RBFOX1: variants seen among roughly 807,000 people sequenced by gnomAD.
RBFOX1 encodes RNA binding fox-1 homolog 1, also known as RNA binding protein fox-1 homolog 1.
A neutral mutation model predicts 57.7 loss-of-function variants in RBFOX1; 8 were observed. That is an observed-to-expected ratio of 0.14 (90% CI 0.08 to 0.25). The LOEUF (loss-of-function observed/expected upper bound fraction) is 0.25. Among genes scored for constraint, RBFOX1 ranks in the 10% least tolerant of loss-of-function variants. The pLI, the probability that RBFOX1 is intolerant of heterozygous loss-of-function variation, is 1.00. For missense variants in RBFOX1, 611 were observed against 548.5 expected (o/e 1.11, Z -1.14); for synonymous variants, 326 against 222.4 (o/e 1.47, Z -4.15).
chr16:7,213,391 G>C (rs1160520268), intron 4 of RBFOX1, among the ~76,000 whole-genome samples: 1 of 152,160 alleles, frequency 6.6e-6, no homozygotes, highest in Non-Finnish European at 1.5e-5. Flanking sequence ...TAAGTTCCCA[G>C]TGTAATAGGC....
intron 4 of RBFOX1, among the ~76,000 whole-genome samples, chr16:7,373,479 G>C (rs9929460): frequency 0.11 from 16,371 of 152,102 alleles, 934 homozygotes; most frequent in African/African-American, 0.15. Context: ...GTTCTCTCCT[G>C]GCAGAATAGA....
chr16:7,056,491 G>C (rs1450326638), intron 4 of RBFOX1, among the ~76,000 whole-genome samples: 1 of 152,162 alleles, frequency 6.6e-6, no homozygotes, highest in Non-Finnish European at 1.5e-5. Context: ...AGGTTATGGT[G>C]ATAGTCGTAC....
intron 4 of RBFOX1, among the ~76,000 whole-genome samples, chr16:7,237,524 G>A (rs1172931502): frequency 6.6e-6 from 1 of 152,214 alleles, no homozygotes; most frequent in African/African-American, 2.4e-5. Flanking sequence ...AATAGAATGA[G>A]AAAAGTGAAA....
At chr16:5,525,207 G>C (rs568780840) in intron 2 of RBFOX1, among the ~76,000 whole-genome samples, 9 of 152,232 alleles carry the variant, frequency 5.9e-5, no homozygotes, top group African/African-American at 1.9e-4. Flanking sequence ...CCAGGGTCCG[G>C]TCTTCATCTT....
intron 4 of RBFOX1, among the ~76,000 whole-genome samples, chr16:7,162,616 C>T (rs191757401): frequency 6.6e-6 from 1 of 151,108 alleles, no homozygotes; most frequent in East Asian, 2.0e-4. Context: ...GTAATCCCAG[C>T]TACTGGGGAG....
At chr16:5,964,170 G>T (rs1054719813) in intron 4 of RBFOX1, among the ~76,000 whole-genome samples, 1 of 152,102 alleles carries the variant, frequency 6.6e-6, no homozygotes, top group African/African-American at 2.4e-5. Flanking sequence ...GCATGATCAG[G>T]GAGGTTAAAA....
intron 4 of RBFOX1, among the ~76,000 whole-genome samples, chr16:7,303,787 C>T (rs896475759): frequency 4.0e-5 from 6 of 151,194 alleles, no homozygotes; most frequent in Non-Finnish European, 7.4e-5. Context: ...CTCTCTGTCT[C>T]TCCCCTCCCT....
intron 3 of RBFOX1, among the ~76,000 whole-genome samples, chr16:6,726,411 A>G (rs72764956): frequency 0.017 from 2,137 of 126,124 alleles, 18 homozygotes; most frequent in Non-Finnish European, 0.026. Context: ...TTTTTTTTTT[A>G]ACTTTGCAAA....
chr16:5,932,354 C>T (rs1368519725), intron 4 of RBFOX1, among the ~76,000 whole-genome samples: 2 of 152,196 alleles, frequency 1.3e-5, no homozygotes, highest in African/African-American at 2.4e-5. Flanking sequence ...AGCCTCAGTC[C>T]TGAAACGTCA....
intron 2 of RBFOX1, among the ~76,000 whole-genome samples, chr16:6,433,783 A>T (rs1213429698): frequency 6.9e-6 from 1 of 144,408 alleles, no homozygotes; most frequent in African/African-American, 2.6e-5. Flanking sequence ...AAAGCACATC[A>T]CTCCAACCTC....
rs189150066 is a variant in RBFOX1, at chr16:7,106,335, A to G, written c.27+54237A>G. Among the ~76,000 whole-genome samples, 18 of 152,326 alleles carry G rather than the reference A, an allele frequency of 1.2e-4. No individual in the cohort carries two copies. In the East Asian group the frequency reaches 3.1e-3, roughly 26 times the overall value. On this transcript the variant is annotated intron_variant, in intron 4 of 15. Coordinates refer to ENST00000550418, the MANE Select transcript of RBFOX1 (RefSeq NM_018723.4). ...GTCAGAGAATGTACAGCTTTGTTTAATTAAATGGTGAAGCTAGTTGAGAAT... is the reference window on the plus strand; with the variant it reads ...GTCAGAGAATGTACAGCTTTGTTTAGTTAAATGGTGAAGCTAGTTGAGAAT...
At chr16:6,958,450 C>T (rs1325784788) in intron 3 of RBFOX1, among the ~76,000 whole-genome samples, 3 of 152,132 alleles carry the variant, frequency 2.0e-5, no homozygotes, top group South Asian at 2.1e-4. Flanking sequence ...AGGACCTTCT[C>T]GCAATTCCTC....
chr16:6,980,398 A>C (rs1269006544), intron 3 of RBFOX1, among the ~76,000 whole-genome samples: 1 of 152,126 alleles, frequency 6.6e-6, no homozygotes, highest in Non-Finnish European at 1.5e-5. Context: ...TTCCTTCATG[A>C]GAGTTTACTT....
At chr16:7,698,076 G>A (rs1156965948) in intron 14 of RBFOX1, among the ~76,000 whole-genome samples, 1 of 152,104 alleles carries the variant, frequency 6.6e-6, no homozygotes, top group Non-Finnish European at 1.5e-5. Context: ...TAATTCACCA[G>A]ACGTCTTTTT....
chr16:7,217,948 G>A (rs1201283760), intron 4 of RBFOX1, among the ~76,000 whole-genome samples: 5 of 151,610 alleles, frequency 3.3e-5, no homozygotes, highest in East Asian at 2.0e-4. Context: ...ATGTGTGTGT[G>A]TGTGCACATG....
chr16:7,599,420 A>C (rs1602991693), intron 9 of RBFOX1, among the ~76,000 whole-genome samples: 1 of 151,768 alleles, frequency 6.6e-6, no homozygotes, highest in East Asian at 1.9e-4. Context: ...GTTATTGATC[A>C]ATTTTATGAC....
At chr16:5,468,525 A>AT (rs1457910785) in intron 2 of RBFOX1, among the ~76,000 whole-genome samples, 1 of 152,186 alleles carries the variant, frequency 6.6e-6, no homozygotes, top group African/African-American at 2.4e-5. Flanking sequence ...TAGAATTACC[A>AT]TATGGCCCAG....
chr16:5,402,315 G>C (rs575079253), intron 1 of RBFOX1, among the ~76,000 whole-genome samples: 1 of 152,282 alleles, frequency 6.6e-6, no homozygotes, highest in Non-Finnish European at 1.5e-5. Context: ...CCATTGCCTA[G>C]GTCCACCTGG....
At chr16:6,481,474 C>T (rs1024857847) in intron 2 of RBFOX1, among the ~76,000 whole-genome samples, 1 of 152,222 alleles carries the variant, frequency 6.6e-6, no homozygotes, top group Non-Finnish European at 1.5e-5. Flanking sequence ...CTCCATCGGC[C>T]ACCCGCACCA....
Sources: gnomAD v4.1 joint callset for allele counts (sites outside exome capture counted in the v4.1 genomes callset) on GRCh38, gnomAD v4.1.1 for gene constraint, MANE v1.5 for transcripts, NCBI Gene and HGNC (gene_info 2026-07-23, HGNC 2026-07-21) for gene names.